Variants in PRDM1 observed in about 807,000 individuals in gnomAD.
The protein encoded by PRDM1 is PR/SET domain 1.
A neutral mutation model predicts 62.8 loss-of-function variants in PRDM1; 13 were observed. The observed-to-expected ratio is 0.21, with a 90% CI of 0.13 to 0.33. The LOEUF (loss-of-function observed/expected upper bound fraction) is 0.33. PRDM1 is among the 10% of genes least tolerant of loss of function. The pLI is 1.00. For synonymous variants in PRDM1, 396 were observed against 417.6 expected, an observed-to-expected ratio of 0.95 and a Z score of 0.63; for missense variants, 895 against 1,058.8, an observed-to-expected ratio of 0.85 and a Z score of 2.15.
intron 1 of PRDM1, among the ~76,000 whole-genome samples, chr6:106,071,652 C>T (rs1773522850): frequency 6.6e-6 from 1 of 152,160 alleles, no homozygotes; most frequent in South Asian, 2.1e-4. Flanking sequence ...GTACAGAACT[C>T]AGGTCCTTGG....
At chr6:106,055,296 T>C (rs1773246856) in intron 1 of PRDM1, among the ~76,000 whole-genome samples, 1 of 152,248 alleles carries the variant, frequency 6.6e-6, no homozygotes, top group Non-Finnish European at 1.5e-5. Context: ...TTCTTGGATT[T>C]AGTTATATTT....
chr6:106,052,842 C>T lies in PRDM1; in HGVS notation c.-67+4128C>T, dbSNP rs536812181. On this transcript the variant is annotated intron_variant, in intron 1 of 6. Coordinates refer to the PRDM1 transcript ENST00000651185. ...AAAAATTAGCCAGGCATGGTGCACA[C>T]CTGTAGTCCTAATTACTCAGGAGGC... 6.1e-4 allele frequency among the ~76,000 whole-genome samples: 93 copies of T among 152,006 alleles called. 1 individual carries two copies. In the Middle Eastern group the frequency reaches 0.01, roughly 17 times the overall value.
upstream of PRDM1, among the ~76,000 whole-genome samples, chr6:106,085,799 T>A (rs1037010336): frequency 5.0e-5 from 7 of 140,326 alleles, no homozygotes; most frequent in African/African-American, 1.9e-4. Context: ...AAGAGGAAAG[T>A]TAGTTCTGCC....
chr6:106,018,362 C>T (rs947390549), intron 1 of PRDM1, among the ~76,000 whole-genome samples: 3 of 152,200 alleles, frequency 2.0e-5, no homozygotes, highest in Non-Finnish European at 4.4e-5. Context: ...ATTCCCCACA[C>T]TCAATTTCCC....
At chr6:106,000,668 A>G (rs1339164893) in intron 1 of PRDM1, among the ~76,000 whole-genome samples, 1 of 152,138 alleles carries the variant, frequency 6.6e-6, no homozygotes, top group Non-Finnish European at 1.5e-5. Context: ...CATAAATAGT[A>G]TCATCATACA....
chr6:106,072,859 CCT>C (rs1278272052), intron 1 of PRDM1, among the ~76,000 whole-genome samples: 1 of 152,172 alleles, frequency 6.6e-6, no homozygotes, highest in Non-Finnish European at 1.5e-5. Context: ...CGCCAGTAGG[CCT>C]TTGAGCTTCC....
intron 1 of PRDM1, among the ~76,000 whole-genome samples, chr6:106,062,286 T>C (rs1465030803): frequency 6.6e-6 from 1 of 152,238 alleles, no homozygotes; most frequent in African/African-American, 2.4e-5. Context: ...AAGATCTAAG[T>C]ATTAAGGGTA....
chr6:106,106,717 A>C lies in PRDM1; in HGVS notation c.1903-194A>C, dbSNP rs1004835242. ...AGTGGGTGGGAAAATGGTAGGGGAA[A>C]TAAACAGCCCCTCGTGTGCTGTGTG... On this transcript the variant is annotated intron_variant, in intron 6 of 6. Transcript: ENST00000369096. The surrounding 1 kb of genome is among the most constrained non-coding windows in gnomAD (Gnocchi z 4.4). 6.6e-6 allele frequency among the ~76,000 whole-genome samples: 1 copy of C among 152,170 alleles called. No individual in the cohort carries two copies. Among genetic ancestry groups the C allele is most frequent in the Non-Finnish European group, 1.5e-5 (1 of 68,028 alleles).
intron 1 of PRDM1, among the ~76,000 whole-genome samples, chr6:106,021,826 G>T (rs1772699665): frequency 6.6e-6 from 1 of 152,064 alleles, no homozygotes; most frequent in African/African-American, 2.4e-5. Flanking sequence ...CTCCATGTTG[G>T]TCAGACTGGT....
intron 1 of PRDM1, among the ~76,000 whole-genome samples, chr6:106,028,005 CTG>C (rs1772789101): frequency 6.6e-6 from 1 of 152,200 alleles, no homozygotes. Context: ...AGAGTTGAGA[CTG>C]TGTTATGTGC....
intron 1 of PRDM1, among the ~76,000 whole-genome samples, chr6:106,061,719 G>T (rs1773348392): frequency 6.6e-6 from 1 of 152,180 alleles, no homozygotes; most frequent in Non-Finnish European, 1.5e-5. Context: ...TGAGTGATGG[G>T]CTTAAGGCTT....
intron 1 of PRDM1, among the ~76,000 whole-genome samples, chr6:106,024,119 G>T (rs1391851048): frequency 6.6e-6 from 1 of 151,348 alleles, no homozygotes; most frequent in Admixed American, 6.6e-5. Context: ...TCCAGCCTGG[G>T]TGACAAAGCA....
chr6:105,998,917 ATATATATATATATATATTT>A (rs1423964358), intron 1 of PRDM1, among the ~76,000 whole-genome samples: 7 of 3,806 alleles, frequency 1.8e-3, no homozygotes, highest in Admixed American at 2.2e-3. Flanking sequence ...ATATATATAT[ATATATATATATATATATTT>A]TTTTTTTTTT....
At chr6:106,104,137 C>G (rs1160271314) in intron 4 of PRDM1, among the ~76,000 whole-genome samples, 3 of 151,994 alleles carry the variant, frequency 2.0e-5, no homozygotes, top group Admixed American at 6.5e-5. Context: ...CCATGAACAT[C>G]AGAAAGACTT....
At position 105,998,890 on chromosome 6, in the gene PRDM1, CATATATATATATATATATATATATATAT is replaced by C. The variant is rs202209129; in HGVS notation, c.-67+5268_-67+5295del. 3.5e-3 allele frequency among the ~76,000 whole-genome samples: 350 copies of C among 100,178 alleles called. 2 individuals are homozygous for C. The highest frequency in any genetic ancestry group is 6.0e-3 in the South Asian group (17 of 2,834). The allele number at this position is 100,178 out of a possible 152,430, so 65.7% of individuals were successfully genotyped here. ...GCATTGGGATTTTTAAAAGTTAATA[CATATATATATATATATATATATATATAT>C]ATATATATATATATATTTTTTTTTT... On this transcript the variant is annotated intron_variant, in intron 1 of 6. Coordinates refer to the PRDM1 transcript ENST00000652320.
At chr6:106,029,577 A>G (rs1454471015) in intron 1 of PRDM1, among the ~76,000 whole-genome samples, 1 of 152,046 alleles carries the variant, frequency 6.6e-6, no homozygotes, top group East Asian at 1.9e-4. Flanking sequence ...CATTGTATGG[A>G]TATAACAGTC....
At chr6:106,073,585 G>A (rs954009995) in intron 1 of PRDM1, among the ~76,000 whole-genome samples, 1 of 152,166 alleles carries the variant, frequency 6.6e-6, no homozygotes, top group Non-Finnish European at 1.5e-5. Flanking sequence ...CTTTGCCTAG[G>A]TAATGTGTGG....
chr6:105,998,137 T>C (rs1772371931), intron 1 of PRDM1, among the ~76,000 whole-genome samples: 2 of 152,246 alleles, frequency 1.3e-5, no homozygotes, highest in African/African-American at 2.4e-5. Context: ...TTTGCTCTTA[T>C]AGATAAACAT....
At chr6:106,080,890 G>A (rs182703326) in intron 1 of PRDM1, among the ~76,000 whole-genome samples, 34 of 152,292 alleles carry the variant, frequency 2.2e-4, no homozygotes, top group Admixed American at 1.6e-3. Context: ...TTAAGGGGGC[G>A]GATGCCTACT....
Sources: gnomAD v4.1 joint callset for allele counts (sites outside exome capture counted in the v4.1 genomes callset) on GRCh38, gnomAD v4.1.1 for gene constraint, Gnocchi (gnomAD v3.1) non-coding constraint, MANE v1.5 for transcripts, NCBI Gene and HGNC (gene_info 2026-07-23, HGNC 2026-07-21) for gene names.